Variants in ZNF704 observed in about 807,000 individuals in gnomAD.
ZNF704 encodes the protein zinc finger protein 704.
A neutral mutation model predicts 44.7 loss-of-function variants in ZNF704; 10 were observed. That is an observed-to-expected ratio of 0.22 (90% CI 0.14 to 0.38). ZNF704 has a LOEUF of 0.38. Among genes scored for constraint, ZNF704 ranks in the 10% least tolerant of loss-of-function variants. The probability of loss-of-function intolerance (pLI) is 1.00; values close to 1 mark genes in which losing one functional copy is unlikely to be tolerated. For missense variants in ZNF704, 390 were observed against 545.5 expected (o/e 0.71, Z 2.84); for synonymous variants, 211 against 207.6 (o/e 1.02, Z -0.14).
At chr8:80,832,338 C>T (rs1418627906) in intron 1 of ZNF704, among the ~76,000 whole-genome samples, 1 of 152,084 alleles carries the variant, frequency 6.6e-6, no homozygotes, top group African/African-American at 2.4e-5. Context: ...CTTCTTGATA[C>T]AAAAACATCT....
At chr8:80,800,324 A>G (rs1807877535) in intron 2 of ZNF704, among the ~76,000 whole-genome samples, 1 of 152,186 alleles carries the variant, frequency 6.6e-6, no homozygotes, top group Non-Finnish European at 1.5e-5. Context: ...AGAGAACCCC[A>G]GTAAGATAAT....
At chr8:80,790,200 C>T (rs1038339203) in intron 2 of ZNF704, among the ~76,000 whole-genome samples, 1 of 152,154 alleles carries the variant, frequency 6.6e-6, no homozygotes, top group Non-Finnish European at 1.5e-5. Flanking sequence ...GTTTAAGTTT[C>T]AACTGTGCAA....
intron 1 of ZNF704, among the ~76,000 whole-genome samples, chr8:80,853,650 A>C (rs2130009829): frequency 6.6e-6 from 1 of 152,344 alleles, no homozygotes; most frequent in East Asian, 1.9e-4. Flanking sequence ...ACTTGGTAAT[A>C]GATGAAACAC....
chr8:80,844,677 T>C (rs1563574429), intron 1 of ZNF704, among the ~76,000 whole-genome samples: 1 of 152,188 alleles, frequency 6.6e-6, no homozygotes, highest in African/African-American at 2.4e-5. Flanking sequence ...CTATTTTTCT[T>C]ATTTCATTTC....
At chr8:80,700,013 C>T (rs1478399717) in intron 2 of ZNF704, among the ~76,000 whole-genome samples, 1 of 152,168 alleles carries the variant, frequency 6.6e-6, no homozygotes, top group Non-Finnish European at 1.5e-5. Context: ...CATCTGCCTC[C>T]CTTAGGAGAC....
chr8:80,641,257 C>A lies in ZNF704; in HGVS notation c.*109G>T. On this transcript the variant is annotated 3_prime_UTR_variant, in exon 9 of 9. Transcript: ENST00000327835. The stretch of plus-strand genomic sequence containing the variant: ...TCCAAGGTTCCTGAAAGGGCTTTTC[C>A]TGGCTTCAACTGTGTTTTATTCAGT... 2 of 626,446 alleles carry A rather than the reference C, an allele frequency of 3.2e-6. No individual in the cohort carries two copies. The highest frequency in any genetic ancestry group is 5.1e-6 in the Non-Finnish European group (2 of 392,728). The allele number at this position is 626,446 out of a possible 1,614,324, so 38.8% of individuals were successfully genotyped here.
intron 2 of ZNF704, among the ~76,000 whole-genome samples, chr8:80,698,479 T>G (rs1036008653): frequency 6.6e-5 from 10 of 152,094 alleles, no homozygotes; most frequent in Admixed American, 1.3e-4. Flanking sequence ...CCTTCCATGC[T>G]CTATAAGGGC....
intron 4 of ZNF704, among the ~76,000 whole-genome samples, chr8:80,670,955 C>A (rs574251540): frequency 3.3e-5 from 5 of 152,176 alleles, no homozygotes; most frequent in Non-Finnish European, 7.3e-5. Flanking sequence ...TCCTAAAAGA[C>A]AGATACTAAT....
intron 1 of ZNF704, among the ~76,000 whole-genome samples, chr8:80,869,013 T>TGCAG (rs1308372652): frequency 6.6e-6 from 1 of 152,244 alleles, no homozygotes; most frequent in South Asian, 2.1e-4. Flanking sequence ...GGTTTGACTG[T>TGCAG]GCAGGGTTCA....
intron 4 of ZNF704, 29 bp downstream of exon 4, chr8:80,687,197 T>A: frequency 6.3e-7 from 1 of 1,591,988 alleles, no homozygotes; most frequent in South Asian, 1.1e-5. Flanking sequence ...GGAAACTGAA[T>A]GCAGAAGACC....
chr8:80,687,172 C>A, intron 4 of ZNF704, 54 bp downstream of exon 4: 3 of 1,526,518 alleles, frequency 2.0e-6, no homozygotes, highest in Non-Finnish European at 2.7e-6. Flanking sequence ...TCAGAGGGGA[C>A]AGAAAGCACC....
chr8:80,641,492 A>G lies in ZNF704; in HGVS notation c.1128-15T>C, dbSNP rs753708729. The G allele has an allele frequency of 3.2e-6, 5 of 1,578,788 alleles. No individual in the cohort carries two copies. Among genetic ancestry groups the G allele is most frequent in the Non-Finnish European group, 4.3e-6 (5 of 1,155,900 alleles). On this transcript the variant is annotated splice_polypyrimidine_tract_variant and intron_variant, in intron 8 of 8. Transcript: ENST00000327835. ...CCCTGGGCTTCCTGTAAGACAGACG[A>G]GGAAGGTTAGTTTAGTGGGAGGAAT...
At chr8:80,710,283 A>AT (rs34489509) in intron 2 of ZNF704, among the ~76,000 whole-genome samples, 10,543 of 152,154 alleles carry the variant, frequency 0.069, 1,224 homozygotes, top group African/African-American at 0.24. Context: ...AATAGTAAAC[A>AT]TCATGCAGCA....
At chr8:80,838,886 AGAGGAG>A (rs956443175) in intron 1 of ZNF704, among the ~76,000 whole-genome samples, 1 of 147,930 alleles carries the variant, frequency 6.8e-6, no homozygotes, top group Non-Finnish European at 1.5e-5. Context: ...AGGAGAAGGA[AGAGGAG>A]GAGGAGGAGA....
At chr8:80,668,594 T>C (rs563456242) in intron 5 of ZNF704, among the ~76,000 whole-genome samples, 88 of 152,302 alleles carry the variant, frequency 5.8e-4, no homozygotes, top group Non-Finnish European at 6.8e-4. Context: ...AATAGACACA[T>C]AGGCCTGGGG....
At chr8:80,731,973 C>T (rs947669557) in intron 2 of ZNF704, among the ~76,000 whole-genome samples, 5 of 152,106 alleles carry the variant, frequency 3.3e-5, no homozygotes, top group African/African-American at 7.2e-5. Context: ...AAATGAACAG[C>T]CATGTTCAAA....
At chr8:80,811,538 C>A (rs375262312) in intron 2 of ZNF704, among the ~76,000 whole-genome samples, 2 of 152,094 alleles carry the variant, frequency 1.3e-5, no homozygotes, top group African/African-American at 4.8e-5. Context: ...CCAAAAAGAA[C>A]CTGCTTTAAA....
intron 2 of ZNF704, among the ~76,000 whole-genome samples, chr8:80,715,392 G>C (rs1478436681): frequency 6.6e-6 from 1 of 152,226 alleles, no homozygotes; most frequent in Non-Finnish European, 1.5e-5. Flanking sequence ...AGGTTCCAGA[G>C]AGCTCAGTGC....
At chr8:80,661,775 C>G (rs1421516356) in intron 6 of ZNF704, among the ~76,000 whole-genome samples, 1 of 152,000 alleles carries the variant, frequency 6.6e-6, no homozygotes, top group Non-Finnish European at 1.5e-5. Context: ...ATGATAGTTA[C>G]AGGAGATGGG....
Sources: gnomAD v4.1 joint callset for allele counts (sites outside exome capture counted in the v4.1 genomes callset) on GRCh38, gnomAD v4.1.1 for gene constraint, MANE v1.5 for transcripts, NCBI Gene and HGNC (gene_info 2026-07-23, HGNC 2026-07-21) for gene names.